Variants in BRD3OS observed in about 807,000 individuals in gnomAD.
The protein encoded by BRD3OS is uncharacterized protein BRD3OS.
Position 134,026,852 on chromosome 9 carries a change from G to A in BRD3OS, c.105G>A (p.Lys35=), listed in dbSNP as rs1843435412. The A allele has an allele frequency of 2.5e-6, 1 of 398,984 alleles. No homozygotes were observed. The highest frequency in any genetic ancestry group is 4.4e-5 in the Admixed American group (1 of 22,724). 24.7% of individuals were successfully genotyped at this position (398,984 alleles called of 1,614,324 possible). The change falls in exon 3 of 3, where the codon AAG becomes AAA. Residue 35 remains lysine (K), a synonymous_variant. Coordinates refer to ENST00000603928, the MANE Select transcript of BRD3OS (RefSeq NM_001355256.2). The surrounding 1 kb of genome is among the most constrained non-coding windows in gnomAD (Gnocchi z 4.4). ...TCATCTGGCAGCAGCAACAGCAGAA[G>A]TTGGAGTCGGTGCCACCTGGGACGT... The part of the protein sequence containing the change: ...SLLIWQQQQQ[K]LESVPPGTYL...
In BRD3OS at chr9:134,030,165, A is replaced by G. The variant is rs561996661; in HGVS notation, c.*3163A>G. Reference sequence around the variant, plus strand: ...TTTTGCCAAGAGTTACAGGATGTCAAGTGTGGGGAGCTCAGCACCCTTGCT... The same window carrying G: ...TTTTGCCAAGAGTTACAGGATGTCAGGTGTGGGGAGCTCAGCACCCTTGCT... On this transcript the variant is annotated 3_prime_UTR_variant, in exon 3 of 3. Transcript: ENST00000603928. The G allele has an allele frequency of 1.6e-4, 24 of 153,790 alleles. No individual in the cohort carries two copies. Among genetic ancestry groups the G allele is most frequent in the Non-Finnish European group, 2.8e-4 (19 of 69,026 alleles). 9.5% of individuals were successfully genotyped at this position (153,790 alleles called of 1,614,324 possible).
rs375734472 is a variant in BRD3OS, at chr9:134,029,243, G to A, written c.*2241G>A. Reference sequence around the variant, plus strand: ...CCGCACCACAGACTCCCCTGAGGACGGGTTGTGGCGGGGTTGGCCCCAAGC... The same window carrying A: ...CCGCACCACAGACTCCCCTGAGGACAGGTTGTGGCGGGGTTGGCCCCAAGC... On this transcript the variant is annotated 3_prime_UTR_variant, in exon 3 of 3. Coordinates refer to ENST00000603928, the MANE Select transcript of BRD3OS (RefSeq NM_001355256.2). 7 of 152,392 alleles carry A rather than the reference G, an allele frequency of 4.6e-5. No individual in the cohort carries two copies. In the East Asian group the frequency reaches 7.7e-4, roughly 17 times the overall value. 9.4% of individuals were successfully genotyped at this position (152,392 alleles called of 1,614,324 possible). A position where few individuals can be genotyped will look rare whatever the true frequency, so the allele number is the denominator to read the frequency against.
rs1334232974 is a variant in BRD3OS, at chr9:134,026,653, A to G, written c.-95A>G. On this transcript the variant is annotated 5_prime_UTR_variant, in exon 3 of 3. Coordinates refer to ENST00000603928, the MANE Select transcript of BRD3OS (RefSeq NM_001355256.2). The surrounding 1 kb of genome is among the most constrained non-coding windows in gnomAD (Gnocchi z 4.4). The stretch of plus-strand genomic sequence containing the variant: ...CATTCAGTTAAACGAGGGATCCTTA[A>G]GCCCCAAAGCTGGGAAAGCTGTCCG... The G allele has an allele frequency of 7.5e-6, 3 of 397,532 alleles. No individual in the cohort carries two copies. Among genetic ancestry groups the G allele is most frequent in the African/African-American group, 6.2e-5 (3 of 48,614 alleles). 24.6% of individuals were successfully genotyped at this position (397,532 alleles called of 1,614,324 possible).
rs1371485028 is a variant in BRD3OS, at chr9:134,030,386, A to G, written c.*3384A>G. ...AGAAGGGTCCATGATTACCAGAAACATCAAAGAGTACTTTCTACCATTTTT... is the reference window on the plus strand; with the variant it reads ...AGAAGGGTCCATGATTACCAGAAACGTCAAAGAGTACTTTCTACCATTTTT... On this transcript the variant is annotated 3_prime_UTR_variant, in exon 3 of 3. Transcript: ENST00000603928. The G allele has an allele frequency of 1.1e-5, 2 of 181,322 alleles. No homozygotes were observed. The highest frequency in any genetic ancestry group is 2.4e-5 in the African/African-American group (1 of 41,628). 11.2% of individuals were successfully genotyped at this position (181,322 alleles called of 1,614,324 possible).
At position 134,026,811 on chromosome 9, in the gene BRD3OS, A is replaced by C. The variant is rs549945474; in HGVS notation, c.64A>C (p.Arg22=). ...TGAAGGCTACGCCCGCCTCCGGTAC[A>C]GGGACACCTCCTTGCTCATCTGGCA... The part of the protein sequence containing the change: ...LSEGYARLRY[R]DTSLLIWQQQ... The change falls in exon 3 of 3, where the codon AGG becomes CGG. Residue 22 remains arginine, a synonymous_variant. Transcript: ENST00000603928. The surrounding 1 kb of genome is among the most constrained non-coding windows in gnomAD (Gnocchi z 4.4). The C allele has an allele frequency of 1.2e-4, 46 of 398,956 alleles. No individual in the cohort carries two copies. The South Asian group carries it at 5.6e-3, about 49-fold the overall frequency. The allele number at this position is 398,956 out of a possible 1,614,324, so 24.7% of individuals were successfully genotyped here.
rs988610086 is a variant in BRD3OS at position 134,029,880 on chromosome 9, G to A, written c.*2878G>A. 1.3e-5 allele frequency: 2 copies of A among 152,216 alleles called. No individual in the cohort carries two copies. The highest frequency in any genetic ancestry group is 4.8e-5 in the African/African-American group (2 of 41,448). The allele number at this position is 152,216 out of a possible 1,614,324, so 9.4% of individuals were successfully genotyped here. A position where few individuals can be genotyped will look rare whatever the true frequency, so the allele number is the denominator to read the frequency against. Reference sequence around the variant, plus strand: ...CAGTAAAGGGGATTGTGGCTTCCTAGTGAGGCAAGAAATGATGCTCCCTTC... The same window carrying A: ...CAGTAAAGGGGATTGTGGCTTCCTAATGAGGCAAGAAATGATGCTCCCTTC... On this transcript the variant is annotated 3_prime_UTR_variant, in exon 3 of 3. Transcript: ENST00000603928.
rs1843435442 is a variant in BRD3OS, at chr9:134,026,858, G to A, written c.111G>A (p.Glu37=). The change falls in exon 3 of 3, where the codon GAG becomes GAA. Residue 37 remains glutamate, a synonymous_variant. Transcript: ENST00000603928. This position sits in a 1 kb window ranked among gnomAD's most constrained non-coding sequence, Gnocchi z 4.4. ...GGCAGCAGCAACAGCAGAAGTTGGA[G>A]TCGGTGCCACCTGGGACGTACCTGA... ...LIWQQQQQKL[E]SVPPGTYLSR... The A allele has an allele frequency of 2.5e-6, 1 of 399,004 alleles. No individual in the cohort carries two copies. Among genetic ancestry groups the A allele is most frequent in the Non-Finnish European group, 4.4e-6 (1 of 226,088 alleles). 24.7% of individuals were successfully genotyped at this position (399,004 alleles called of 1,614,324 possible). A position where few individuals can be genotyped will look rare whatever the true frequency, so the allele number is the denominator to read the frequency against.
In BRD3OS at chr9:134,025,483, G is replaced by C. The variant is rs115771424; in HGVS notation, c.-840G>C. 2 of 151,956 alleles carry C rather than the reference G, an allele frequency of 1.3e-5. No homozygotes were observed. Among genetic ancestry groups the C allele is most frequent in the Non-Finnish European group, 2.9e-5 (2 of 67,994 alleles). The allele number at this position is 151,956 out of a possible 1,614,324, so 9.4% of individuals were successfully genotyped here. A position where few individuals can be genotyped will look rare whatever the true frequency, so the allele number is the denominator to read the frequency against. On this transcript the variant is annotated 5_prime_UTR_variant, in exon 1 of 3. Coordinates refer to ENST00000603928, the MANE Select transcript of BRD3OS (RefSeq NM_001355256.2). The stretch of plus-strand genomic sequence containing the variant: ...CCAGCGGCCGCCGGCCCCGCCCTGG[G>C]AGCCCCGCAGTGCGTCGCGCCGCTG...
chr9:134,027,982 C>G lies in BRD3OS; in HGVS notation c.*980C>G, dbSNP rs763942611. On this transcript the variant is annotated 3_prime_UTR_variant, in exon 3 of 3. Coordinates refer to ENST00000603928, the MANE Select transcript of BRD3OS (RefSeq NM_001355256.2). ...GCTGCCACAGCTGGCCACCTGTGTT[C>G]AGTCTCCATGAAGGATTCACCTTCT... is the stretch of plus-strand genomic sequence containing the variant. 2.6e-5 allele frequency: 4 copies of G among 152,274 alleles called. No individual in the cohort carries two copies. Among genetic ancestry groups the G allele is most frequent in the Non-Finnish European group, 5.9e-5 (4 of 68,054 alleles). 9.4% of individuals were successfully genotyped at this position (152,274 alleles called of 1,614,324 possible).
At position 134,029,144 on chromosome 9, in the gene BRD3OS, T is replaced by C. The variant is rs558020903; in HGVS notation, c.*2142T>C. Reference sequence around the variant, plus strand: ...GGGTTTGTCTGCATCTTTTCAGTTCTTCAGTTTAAGTCCTGCCTGGGAAGA... The same window carrying C: ...GGGTTTGTCTGCATCTTTTCAGTTCCTCAGTTTAAGTCCTGCCTGGGAAGA... On this transcript the variant is annotated 3_prime_UTR_variant, in exon 3 of 3. Transcript: ENST00000603928. 2.2e-4 allele frequency: 34 copies of C among 152,410 alleles called. No individual in the cohort carries two copies. The highest frequency in any genetic ancestry group is 8.2e-4 in the African/African-American group (34 of 41,594). The allele number at this position is 152,410 out of a possible 1,614,324, so 9.4% of individuals were successfully genotyped here.
At position 134,031,447 on chromosome 9, in the gene BRD3OS, T is replaced by TAA. The variant is rs1843511310; in HGVS notation, c.*4447_*4448dup. On this transcript the variant is annotated 3_prime_UTR_variant, in exon 3 of 3. Coordinates refer to ENST00000603928, the MANE Select transcript of BRD3OS (RefSeq NM_001355256.2). Reference sequence around the variant, plus strand: ...TGTCAACTGTCGTGTGTGAATTCCTTAAATTCGGTTTAAATAGTCCATTAA... The same window carrying TAA: ...TGTCAACTGTCGTGTGTGAATTCCTTAAAAATTCGGTTTAAATAGTCCATTAA... 1 of 204,578 alleles carries TAA rather than the reference T, an allele frequency of 4.9e-6. No individual in the cohort carries two copies. Among genetic ancestry groups the TAA allele is most frequent in the Non-Finnish European group, 1.0e-5 (1 of 99,932 alleles). 12.7% of individuals were successfully genotyped at this position (204,578 alleles called of 1,614,324 possible).
rs536791456 is a variant in BRD3OS at position 134,030,838 on chromosome 9, GTCAT to G, written c.*3840_*3843del. The G allele has an allele frequency of 3.4e-5, 8 of 232,472 alleles. No homozygotes were observed. In the South Asian group the frequency reaches 1.3e-3, roughly 37 times the overall value. The allele number at this position is 232,472 out of a possible 1,614,324, so 14.4% of individuals were successfully genotyped here. On this transcript the variant is annotated 3_prime_UTR_variant, in exon 3 of 3. Coordinates refer to ENST00000603928, the MANE Select transcript of BRD3OS (RefSeq NM_001355256.2). Reference sequence around the variant, plus strand: ...AAGCCTGCCCCCTCGGCCTCCAGGGGTCATTCAGAGTGTTCTCAAATCCAATTCC... The same window carrying G: ...AAGCCTGCCCCCTCGGCCTCCAGGGGTCAGAGTGTTCTCAAATCCAATTCC...
In BRD3OS at chr9:134,026,877, T is replaced by C; in HGVS notation, c.130T>C (p.Tyr44His). The C allele has an allele frequency of 5.0e-6, 2 of 398,880 alleles. No homozygotes were observed. Among genetic ancestry groups the C allele is most frequent in the Non-Finnish European group, 8.8e-6 (2 of 226,036 alleles). The allele number at this position is 398,880 out of a possible 1,614,324, so 24.7% of individuals were successfully genotyped here. ...QKLESVPPGT[Y>H]LSRSRSMWYS... is the part of the protein sequence containing the mutation. ...GTTGGAGTCGGTGCCACCTGGGACG[T>C]ACCTGAGCAGGAGCCGAAGCATGTG... Residue 44 changes from tyrosine (Y) to histidine (H), a missense_variant, in exon 3 of 3, where the codon TAC becomes CAC. By Grantham distance (83) the Tyr-to-His change is moderately conservative. Coordinates refer to ENST00000603928, the MANE Select transcript of BRD3OS (RefSeq NM_001355256.2). This position sits in a 1 kb window ranked among gnomAD's most constrained non-coding sequence, Gnocchi z 4.4.
At chr9:134,025,704 G>C (rs1470887850) in intron 1 of BRD3OS, 141 bp from the exon 2 acceptor site, 1 of 152,270 alleles carries the variant, frequency 6.6e-6, no homozygotes, top group East Asian at 1.9e-4. Context: ...CGCGATGGGG[G>C]CCCGGGAAGC....
At position 134,030,657 on chromosome 9, in the gene BRD3OS, A is replaced by G. The variant is rs1843498159; in HGVS notation, c.*3655A>G. The G allele has an allele frequency of 4.4e-6, 1 of 229,492 alleles. No individual in the cohort carries two copies. Among genetic ancestry groups the G allele is most frequent in the South Asian group, 1.8e-4 (1 of 5,504 alleles). 14.2% of individuals were successfully genotyped at this position (229,492 alleles called of 1,614,324 possible). A position where few individuals can be genotyped will look rare whatever the true frequency, so the allele number is the denominator to read the frequency against. On this transcript the variant is annotated 3_prime_UTR_variant, in exon 3 of 3. Transcript: ENST00000603928. The stretch of plus-strand genomic sequence containing the variant: ...CTACTCTGGATGTGACAAATTCTGT[A>G]TGTGGGTGTTACTCTTTCCCAAAAG...
In BRD3OS at chr9:134,030,463, T is replaced by C. The variant is rs1159130295; in HGVS notation, c.*3461T>C. 1.5e-5 allele frequency: 3 copies of C among 201,534 alleles called. No individual in the cohort carries two copies. The highest frequency in any genetic ancestry group is 1.9e-4 in the South Asian group (1 of 5,242). 12.5% of individuals were successfully genotyped at this position (201,534 alleles called of 1,614,324 possible). A position where few individuals can be genotyped will look rare whatever the true frequency, so the allele number is the denominator to read the frequency against. On this transcript the variant is annotated 3_prime_UTR_variant, in exon 3 of 3. Transcript: ENST00000603928. ...CAATAAACAAGCTAAACTACTTACA[T>C]TGGACTCATTTTCAGTAACTGACAT...
chr9:134,031,256 C>T lies in BRD3OS; in HGVS notation c.*4254C>T. 1 of 211,722 alleles carries T rather than the reference C, an allele frequency of 4.7e-6. No homozygotes were observed. Among genetic ancestry groups the T allele is most frequent in the Non-Finnish European group, 9.6e-6 (1 of 104,464 alleles). The allele number at this position is 211,722 out of a possible 1,614,324, so 13.1% of individuals were successfully genotyped here. A position where few individuals can be genotyped will look rare whatever the true frequency, so the allele number is the denominator to read the frequency against. On this transcript the variant is annotated 3_prime_UTR_variant, in exon 3 of 3. Coordinates refer to ENST00000603928, the MANE Select transcript of BRD3OS (RefSeq NM_001355256.2). Reference sequence around the variant, plus strand: ...CGATGCTCCTGCTGCGCTGCCCCCACAGCCGGCCGCTCCCCCGACGGCTCA... The same window carrying T: ...CGATGCTCCTGCTGCGCTGCCCCCATAGCCGGCCGCTCCCCCGACGGCTCA...
rs557349236 is a variant in BRD3OS, at chr9:134,031,368, G to T, written c.*4366G>T. ...CAGGCACCCCCGGCTTAGGGTGTACGTATCACCCAGCCCTGTGCTGGCAGC... is the reference window on the plus strand; with the variant it reads ...CAGGCACCCCCGGCTTAGGGTGTACTTATCACCCAGCCCTGTGCTGGCAGC... On this transcript the variant is annotated 3_prime_UTR_variant, in exon 3 of 3. Transcript: ENST00000603928. The T allele has an allele frequency of 1.4e-5, 3 of 207,852 alleles. No individual in the cohort carries two copies. The highest frequency in any genetic ancestry group is 4.6e-5 in the African/African-American group (2 of 43,820). 12.9% of individuals were successfully genotyped at this position (207,852 alleles called of 1,614,324 possible).
In BRD3OS at chr9:134,030,617, T is replaced by TATTAAGGAAC. The variant is rs1843497731; in HGVS notation, c.*3617_*3626dup. The TATTAAGGAAC allele has an allele frequency of 8.8e-6, 2 of 226,622 alleles. No homozygotes were observed. Among genetic ancestry groups the TATTAAGGAAC allele is most frequent in the Non-Finnish European group, 1.8e-5 (2 of 113,950 alleles). The allele number at this position is 226,622 out of a possible 1,614,324, so 14.0% of individuals were successfully genotyped here. On this transcript the variant is annotated 3_prime_UTR_variant, in exon 3 of 3. Transcript: ENST00000603928. ...AAACTTCCTGGAAGCATTATGCCAGTATTAAGGAACAGTGCTACTCTGGAT... is the reference window on the plus strand; with the variant it reads ...AAACTTCCTGGAAGCATTATGCCAGTATTAAGGAACATTAAGGAACAGTGCTACTCTGGAT...
Sources: gnomAD v4.1 joint callset for allele counts on GRCh38, gnomAD v4.1.1 for gene constraint, Gnocchi (gnomAD v3.1) non-coding constraint, MANE v1.5 for transcripts, NCBI Gene and HGNC (gene_info 2026-07-23, HGNC 2026-07-21) for gene names.